Variants in GET4 observed in about 807,000 individuals in gnomAD.
GET4 encodes Golgi to ER traffic protein 4 homolog.
Under a neutral mutation model 40.0 loss-of-function variants are expected in GET4, and 20 were observed. The observed-to-expected ratio is 0.50, with a 90% CI of 0.35 to 0.73. GET4 has a LOEUF of 0.73. Among genes scored for constraint, GET4 ranks in the 30% least tolerant of loss-of-function variants. GET4 has a pLI of 0.01. For synonymous variants in GET4, 280 were observed against 194.6 expected (o/e 1.44, Z -3.65); for missense variants, 557 against 454.0 (o/e 1.23, Z -2.06).
intron 6 of GET4, 54 bp downstream of exon 6, chr7:892,472 T>C (rs986915466): frequency 1.9e-5 from 29 of 1,564,424 alleles, no homozygotes; most frequent in Middle Eastern, 2.3e-4. Context: ...GGGTTGTGTG[T>C]AGACGTGGTG....
chr7:894,714 G>A (rs971863155), intron 8 of GET4, among the ~76,000 whole-genome samples: 1 of 152,246 alleles, frequency 6.6e-6, no homozygotes, highest in African/African-American at 2.4e-5. Flanking sequence ...ATGGGGTGAC[G>A]TCGTGGATAA....
intron 1 of GET4, among the ~76,000 whole-genome samples, chr7:879,214 C>T (rs373468595): frequency 1.3e-5 from 2 of 152,258 alleles, no homozygotes; most frequent in East Asian, 1.9e-4. Flanking sequence ...GAATTAAACA[C>T]CGTCTGTCAC....
chr7:891,501 C>T (rs2128629121), intron 5 of GET4, among the ~76,000 whole-genome samples: 1 of 150,160 alleles, frequency 6.7e-6, no homozygotes, highest in Admixed American at 6.6e-5. Context: ...GTCCCTTCCG[C>T]CAGCTCGGGC....
chr7:889,220 G>A (rs534199689), intron 4 of GET4, among the ~76,000 whole-genome samples: 4 of 152,384 alleles, frequency 2.6e-5, no homozygotes, highest in East Asian at 1.9e-4. Context: ...GGGTAGGTGC[G>A]GGCCCAGGTC....
rs568964774 is a variant in GET4, at chr7:880,675, C to G, written c.155+3875C>G. The G allele has an allele frequency of 3.9e-5, 6 of 152,366 alleles. No individual in the cohort carries two copies. In the South Asian group the frequency reaches 1.0e-3, roughly 26 times the overall value. The allele number at this position is 152,366 out of a possible 1,614,324, so 9.4% of individuals were successfully genotyped here. On this transcript the variant is annotated intron_variant, in intron 1 of 8. Coordinates refer to ENST00000265857, the MANE Select transcript of GET4 (RefSeq NM_015949.3). ...CGGGGCCCGGGACACGTTACTGAAC[C>G]TCTCAAACCTTGGCTTGGAGCCTTT...
At chr7:878,635 A>G (rs914446526) in intron 1 of GET4, among the ~76,000 whole-genome samples, 3 of 150,394 alleles carry the variant, frequency 2.0e-5, no homozygotes, top group East Asian at 2.0e-4. Flanking sequence ...CTGGAGTGCA[A>G]TGGTGGGATC....
chr7:891,754 G>A (rs1181879813), intron 5 of GET4, among the ~76,000 whole-genome samples: 3 of 152,274 alleles, frequency 2.0e-5, no homozygotes, highest in African/African-American at 4.8e-5. Context: ...GCTTTGCCAG[G>A]AGCTGGCGTC....
intron 1 of GET4, chr7:883,156 A>G (rs1478012928): frequency 6.6e-6 from 1 of 152,260 alleles, no homozygotes; most frequent in Non-Finnish European, 1.5e-5. Flanking sequence ...CTCCTGGCAG[A>G]GCAGAGCAGG....
intron 1 of GET4, chr7:884,392 G>A (rs1844146754): frequency 7.7e-7 from 1 of 1,293,022 alleles, no homozygotes. Flanking sequence ...CTGTGGTGTT[G>A]GGGTGGGTCT....
At chr7:887,261 C>T (rs1844210426) in intron 3 of GET4, 109 bp from the exon 4 acceptor site, 2 of 1,120,288 alleles carry the variant, frequency 1.8e-6, no homozygotes, top group Admixed American at 1.7e-5. Flanking sequence ...CCAGCAGGTT[C>T]CTCTCCCTGT....
At chr7:877,172 C>T (rs906248610) in intron 1 of GET4, among the ~76,000 whole-genome samples, 3 of 150,894 alleles carry the variant, frequency 2.0e-5, no homozygotes, top group Admixed American at 6.6e-5. Flanking sequence ...TGTCTCTCTC[C>T]GGCCGCCTCC....
intron 1 of GET4, among the ~76,000 whole-genome samples, chr7:877,116 C>T (rs1348816404): frequency 2.0e-5 from 3 of 151,626 alleles, no homozygotes; most frequent in Non-Finnish European, 2.9e-5. Context: ...CGCCCCTCGG[C>T]CTTCCTCTGT....
At chr7:887,728 G>A (rs879301201) in intron 4 of GET4, among the ~76,000 whole-genome samples, 8 of 152,218 alleles carry the variant, frequency 5.3e-5, no homozygotes, top group Admixed American at 5.2e-4. Flanking sequence ...GGGGGCAGGC[G>A]GCCGCCTCTC....
intron 8 of GET4, among the ~76,000 whole-genome samples, chr7:894,550 GC>G (rs914860560): frequency 3.3e-4 from 50 of 151,788 alleles, no homozygotes; most frequent in South Asian, 8.4e-4. Context: ...CTCCCCGGAT[GC>G]CCCCCCCAGA....
chr7:890,932 A>T lies in GET4; in HGVS notation c.471A>T (p.Gln157His). The T allele has an allele frequency of 6.2e-7, 1 of 1,604,976 alleles. No individual in the cohort carries two copies. Among genetic ancestry groups the T allele is most frequent in the Non-Finnish European group, 8.5e-7 (1 of 1,171,930 alleles). ...QLLALTLWKE[Q>H]NYCESRYHFL... ...TTTTCTGTCTTTCCTTTGCAGAACA[A>T]AACTATTGTGAGTCGAGGTATCATT... is the stretch of plus-strand genomic sequence containing the variant. Residue 157 changes from glutamine to histidine, a missense_variant, in exon 5 of 9, where the codon CAA (glutamine) becomes CAT (histidine). By Grantham distance (24) the Gln-to-His change is conservative (BLOSUM62 0). Transcript: ENST00000265857.
In GET4 at chr7:894,357, C is replaced by T. The variant is rs77032869; in HGVS notation, c.895+386C>T. Among the ~76,000 whole-genome samples, 1,477 of 152,244 alleles carry T rather than the reference C, an allele frequency of 9.7e-3. 49 individuals are homozygous for T. The East Asian group carries it at 0.13, about 14-fold the overall frequency. ...GGCAGTGCTGCCGTGGCTTTGGGGT[C>T]GCGGCGGGGCGGGTGTCTCACTGTG... On this transcript the variant is annotated intron_variant, in intron 8 of 8. Coordinates refer to ENST00000265857, the MANE Select transcript of GET4 (RefSeq NM_015949.3).
chr7:881,784 C>T (rs1844092292), intron 1 of GET4: 1 of 152,154 alleles, frequency 6.6e-6, no homozygotes, highest in Non-Finnish European at 1.5e-5. Context: ...GGGTACCAAG[C>T]ATGGGTACCT....
chr7:895,075 C>T (rs1453966992), intron 8 of GET4, among the ~76,000 whole-genome samples: 1 of 150,754 alleles, frequency 6.6e-6, no homozygotes, highest in Non-Finnish European at 1.5e-5. Flanking sequence ...TGCTCCATGG[C>T]CCCGTTGGTG....
chr7:887,493 A>T lies in GET4; in HGVS notation c.440A>T (p.Gln147Leu). 1 of 1,570,216 alleles carries T rather than the reference A, an allele frequency of 6.4e-7. No homozygotes were observed. The highest frequency in any genetic ancestry group is 1.2e-5 in the South Asian group (1 of 84,620). Residue 147 changes from glutamine to leucine, a missense_variant, in exon 4 of 9, where the codon CAG (glutamine) becomes CTG (leucine). Physicochemically the swap from Gln to Leu is moderately radical, Grantham distance 113. Coordinates refer to ENST00000265857, the MANE Select transcript of GET4 (RefSeq NM_015949.3). ...AAGCTGGGCCACCCCCGGCTGCACC[A>T]GCTGCTGGCCCTCACCCTGTGGAAA... The part of the protein sequence containing the change: ...SGKLGHPRLH[Q>L]LLALTLWKEQ...
Sources: allele counts gnomAD v4.1 joint callset (sites outside exome capture counted in the v4.1 genomes callset), GRCh38; gene constraint gnomAD v4.1.1; transcripts MANE v1.5; gene names NCBI Gene and HGNC (gene_info 2026-07-23, HGNC 2026-07-21).